INSL6: variants seen among roughly 807,000 people sequenced by gnomAD.
INSL6 encodes the protein insulin like 6.
Under a neutral mutation model 9.4 loss-of-function variants are expected in INSL6, and 16 were observed. The ratio of observed to expected loss-of-function variants is 1.70; its 90% confidence interval spans 1.15 to 2.59. The LOEUF (loss-of-function observed/expected upper bound fraction) is 2.59. INSL6 is among the 30% of genes most tolerant of loss of function. The pLI is 0.00. For missense variants in INSL6, 391 were observed against 257.3 expected, an observed-to-expected ratio of 1.52 and a Z score of -3.56; for synonymous variants, 154 against 96.9, an observed-to-expected ratio of 1.59 and a Z score of -3.46.
chr9:4,998,382 G>T, the INSL6 span, among the ~76,000 whole-genome samples: 1 of 152,098 alleles, frequency 6.6e-6, no homozygotes, highest in South Asian at 2.1e-4. Flanking sequence ...TCAGCCTCCC[G>T]AGTAACTGGG....
rs539836037 is a variant in INSL6, at chr9:5,146,486, G to A, written c.377-12894C>T. 7.9e-5 allele frequency among the ~76,000 whole-genome samples: 12 copies of A among 152,326 alleles called. No homozygotes were observed. The South Asian group carries it at 2.5e-3, about 32-fold the overall frequency. ...ACTGGAAGTAGTGTTGGTTTGGGGT[G>A]GGGTGCTGGATAGCACAGGTGTGGG... On this transcript the variant is annotated intron_variant, in intron 2 of 3. Transcript: ENST00000649639.
chr9:5,078,174 C>T, the INSL6 span: 45 of 652,262 alleles, frequency 6.9e-5, no homozygotes, highest in Non-Finnish European at 1.0e-4. Flanking sequence ...CCTTTTTTCT[C>T]AATGCATGCC....
At chr9:5,141,616 T>C (rs1824503932) in intron 2 of INSL6, among the ~76,000 whole-genome samples, 1 of 152,228 alleles carries the variant, frequency 6.6e-6, no homozygotes, top group Non-Finnish European at 1.5e-5. Flanking sequence ...TGCTGGATAT[T>C]AGACCTTTGT....
the INSL6 span, among the ~76,000 whole-genome samples, chr9:5,008,498 G>T: frequency 6.6e-6 from 1 of 152,144 alleles, no homozygotes; most frequent in African/African-American, 2.4e-5. Flanking sequence ...AAGAGTAAAT[G>T]TTCTAAAGAA....
chr9:5,142,109 G>A (rs969421346), intron 2 of INSL6, among the ~76,000 whole-genome samples: 1 of 152,112 alleles, frequency 6.6e-6, no homozygotes, highest in African/African-American at 2.4e-5. Flanking sequence ...TATTATTTTG[G>A]TTACTATGGC....
At chr9:5,063,310 A>G in the INSL6 span, among the ~76,000 whole-genome samples, 3 of 152,218 alleles carry the variant, frequency 2.0e-5, no homozygotes, top group African/African-American at 7.2e-5. Context: ...ACTTCTCAAT[A>G]CAAAATTTCA....
the INSL6 span, chr9:5,099,573 C>A: frequency 6.6e-6 from 1 of 152,164 alleles, no homozygotes; most frequent in Non-Finnish European, 1.5e-5. Flanking sequence ...TGAACGAAAT[C>A]TATTCATCTC....
At chr9:5,056,969 T>C in the INSL6 span, among the ~76,000 whole-genome samples, 4 of 152,192 alleles carry the variant, frequency 2.6e-5, no homozygotes, top group African/African-American at 7.2e-5. Flanking sequence ...CACTAACTTC[T>C]TTGCTAAGTA....
At chr9:5,051,762 C>T in the INSL6 span, among the ~76,000 whole-genome samples, 1 of 152,062 alleles carries the variant, frequency 6.6e-6, no homozygotes, top group Non-Finnish European at 1.5e-5. Context: ...ATTGTTCTCC[C>T]AATAACTGGC....
chr9:5,123,003 G>C, downstream of INSL6: 1 of 1,594,900 alleles, frequency 6.3e-7, no homozygotes, highest in South Asian at 1.1e-5. Flanking sequence ...TATATTTACA[G>C]GTATGCTCCA....
At chr9:5,059,295 G>A in the INSL6 span, among the ~76,000 whole-genome samples, 1 of 152,054 alleles carries the variant, frequency 6.6e-6, no homozygotes, top group Non-Finnish European at 1.5e-5. Context: ...ATTAATAAAG[G>A]TTGTATAAAT....
At chr9:5,096,804 C>G in the INSL6 span, 1 of 152,164 alleles carries the variant, frequency 6.6e-6, no homozygotes, top group Non-Finnish European at 1.5e-5. Flanking sequence ...ACCAGGAACT[C>G]TGCTAGGAGA....
the INSL6 span, among the ~76,000 whole-genome samples, chr9:5,059,435 CTG>C: frequency 3.3e-5 from 5 of 152,074 alleles, no homozygotes; most frequent in Non-Finnish European, 5.9e-5. Flanking sequence ...AATTGTTTGA[CTG>C]TACCTCAAAT....
the INSL6 span, chr9:5,084,984 AG>A: frequency 3.7e-6 from 3 of 802,750 alleles, no homozygotes; most frequent in Non-Finnish European, 6.2e-6. Flanking sequence ...CAGAAAGAAC[AG>A]AAAGAGTTGT....
intron 2 of INSL6, among the ~76,000 whole-genome samples, chr9:5,149,973 G>A (rs933977327): frequency 4.6e-5 from 7 of 152,100 alleles, no homozygotes; most frequent in South Asian, 2.1e-4. Context: ...CTCTAACAAC[G>A]TTGACAAAAG....
chr9:5,037,153 A>T, the INSL6 span, among the ~76,000 whole-genome samples: 5 of 151,112 alleles, frequency 3.3e-5, no homozygotes, highest in African/African-American at 7.3e-5. Flanking sequence ...AAAACCACAA[A>T]GAGATACCAT....
intron 2 of INSL6, among the ~76,000 whole-genome samples, chr9:5,140,322 A>C (rs1032829210): frequency 1.5e-4 from 23 of 152,150 alleles, no homozygotes; most frequent in African/African-American, 5.3e-4. Context: ...CACCATCCCT[A>C]ATGTACCTAA....
At chr9:5,093,926 G>C in the INSL6 span, among the ~76,000 whole-genome samples, 1 of 152,090 alleles carries the variant, frequency 6.6e-6, no homozygotes, top group Non-Finnish European at 1.5e-5. Flanking sequence ...TAGTATGAAA[G>C]GACAAGAGAA....
chr9:5,148,743 G>A (rs1427071913), intron 2 of INSL6, among the ~76,000 whole-genome samples: 2 of 152,170 alleles, frequency 1.3e-5, no homozygotes, highest in Non-Finnish European at 2.9e-5. Context: ...GGACCTGCTC[G>A]TGGCTCCCTT....
Sources: allele counts gnomAD v4.1 joint callset (sites outside exome capture counted in the v4.1 genomes callset), GRCh38; gene constraint gnomAD v4.1.1; transcripts MANE v1.5; gene names NCBI Gene and HGNC (gene_info 2026-07-23, HGNC 2026-07-21).